TOP3A: variants seen among roughly 807,000 people sequenced by gnomAD.
The protein encoded by TOP3A is DNA topoisomerase 3-alpha.
A neutral mutation model predicts 111.3 loss-of-function variants in TOP3A; 64 were observed. The ratio of observed to expected loss-of-function variants is 0.57; its 90% CI spans 0.47 to 0.71. TOP3A has a LOEUF of 0.71. TOP3A is among the 30% of genes least tolerant of loss of function. The probability of loss-of-function intolerance (pLI) is 0.00; values close to 1 mark genes in which losing one functional copy is unlikely to be tolerated. For missense variants in TOP3A, 1,104 were observed against 1,285.0 expected (o/e 0.86, Z 2.15); for synonymous variants, 484 against 485.1 (o/e 1.00, Z 0.03).
At chr17:18,305,487 C>CGCGCGT (rs1491292432) in intron 4 of TOP3A, among the ~76,000 whole-genome samples, 2 of 120,684 alleles carry the variant, frequency 1.7e-5, no homozygotes, top group African/African-American at 5.6e-5. Flanking sequence ...CACACACACA[C>CGCGCGT]GCGCGCGCGC....
In TOP3A at chr17:18,277,803, C is replaced by G; in HGVS notation, c.2699G>C (p.Ser900Thr). Residue 900 changes from serine to threonine, a missense_variant, in exon 18 of 19, where the codon AGC (serine) becomes ACC (threonine). Transcript: ENST00000321105. Reference sequence around the variant, plus strand: ...CACAGTCCGTGTGACGGAGGGCTGGCTGCAAAGGCAGGATGTGCCACTACC... The same window carrying G: ...CACAGTCCGTGTGACGGAGGGCTGGGTGCAAAGGCAGGATGTGCCACTACC... ...GSGSGTSCLC[S>T]QPSVTRTVQK... 1 of 1,614,186 alleles carries G rather than the reference C, an allele frequency of 6.2e-7. No homozygotes were observed. Among genetic ancestry groups the G allele is most frequent in the Non-Finnish European group, 8.5e-7 (1 of 1,180,034 alleles).
intron 17 of TOP3A, among the ~76,000 whole-genome samples, chr17:18,279,392 G>A (rs955954254): frequency 2.6e-5 from 4 of 151,932 alleles, no homozygotes; most frequent in African/African-American, 9.7e-5. Context: ...GAGTAGCTGG[G>A]ACTACAGGCG....
chr17:18,297,555 T>G (rs1258623588), intron 9 of TOP3A, among the ~76,000 whole-genome samples: 1 of 152,190 alleles, frequency 6.6e-6, no homozygotes, highest in Non-Finnish European at 1.5e-5. Flanking sequence ...GCGGACTGCC[T>G]GCGATTGCAG....
rs111527294 is a variant in TOP3A, at chr17:18,300,073, TA to T, written c.916-441del. 1.0e-3 allele frequency among the ~76,000 whole-genome samples: 154 copies of T among 150,356 alleles called. 4 individuals are homozygous for T. Among genetic ancestry groups the T allele is most frequent in the Admixed American group, 7.4e-3 (111 of 15,064 alleles). The stretch of plus-strand genomic sequence containing the variant: ...CACCATGCTTGGCCCAGTGCTCCTT[TA>T]AAAAAAAAATTCAGGATAATACAGT... On this transcript the variant is annotated intron_variant, in intron 8 of 18. Transcript: ENST00000321105.
chr17:18,308,690 G>GA, intron 2 of TOP3A, 192 bp downstream of exon 2: 1 of 468,840 alleles, frequency 2.1e-6, no homozygotes, highest in South Asian at 4.4e-5. Context: ...TTGTAATGAA[G>GA]AGCTGAGATG....
chr17:18,299,772 C>T (rs1981109523), intron 8 of TOP3A, 139 bp from the exon 9 acceptor site: 1 of 757,796 alleles, frequency 1.3e-6, no homozygotes, highest in South Asian at 1.5e-5. Context: ...TAGAAGAGTG[C>T]CCCACTTAAT....
chr17:18,282,449 T>A lies in TOP3A; in HGVS notation c.2021+249A>T, dbSNP rs550125018. Among the ~76,000 whole-genome samples the A allele has an allele frequency of 3.9e-5, 6 of 152,322 alleles. No homozygotes were observed. The South Asian group carries it at 1.2e-3, about 32-fold the overall frequency. On this transcript the variant is annotated intron_variant, in intron 16 of 18. Transcript: ENST00000321105. ...GTTACACATTGGGTATATGATGTCC[T>A]ATCCACAGGGGACAAAAAAACCCCA...
chr17:18,291,078 G>C, intron 11 of TOP3A, 51 bp from the exon 12 acceptor site: 2 of 1,575,026 alleles, frequency 1.3e-6, no homozygotes, highest in South Asian at 1.1e-5. Flanking sequence ...CACCTCTCAA[G>C]GACAGGAGCA....
intron 9 of TOP3A, 118 bp downstream of exon 9, chr17:18,299,441 G>T: frequency 2.3e-6 from 2 of 867,238 alleles, no homozygotes; most frequent in South Asian, 1.4e-5. Context: ...GTGTTTTCTT[G>T]TGTGGCCTGG....
At chr17:18,275,018 G>A (rs1979251278) in intron 18 of TOP3A, 38 bp from the exon 19 acceptor site, 2 of 1,594,224 alleles carry the variant, frequency 1.3e-6, no homozygotes, top group East Asian at 4.5e-5. Flanking sequence ...GGTTAGAACT[G>A]ACATGCAGAA....
intron 5 of TOP3A, among the ~76,000 whole-genome samples, chr17:18,304,901 T>C (rs546857496): frequency 6.6e-6 from 1 of 152,212 alleles, no homozygotes; most frequent in African/African-American, 2.4e-5. Context: ...CCAGGAAACA[T>C]GTCAGATTGG....
intron 9 of TOP3A, among the ~76,000 whole-genome samples, chr17:18,298,316 C>T (rs1338766242): frequency 3.3e-5 from 5 of 151,072 alleles, no homozygotes; most frequent in Non-Finnish European, 5.9e-5. Flanking sequence ...GCAGCCACCT[C>T]GTCCGGCAGG....
intron 1 of TOP3A, among the ~76,000 whole-genome samples, chr17:18,309,174 A>G (rs1981760731): frequency 6.6e-6 from 1 of 152,320 alleles, no homozygotes; most frequent in African/African-American, 2.4e-5. Flanking sequence ...ACCACTCCAT[A>G]CCCATTAGGA....
At chr17:18,285,017 G>A (rs192463875) in intron 15 of TOP3A, 125 bp downstream of exon 15, 69 of 1,117,238 alleles carry the variant, frequency 6.2e-5, no homozygotes, top group Middle Eastern at 2.2e-4. Context: ...GCCCAGATGC[G>A]GTGGCTCACG....
chr17:18,301,185 T>C (rs896909242), intron 8 of TOP3A, among the ~76,000 whole-genome samples: 5 of 152,168 alleles, frequency 3.3e-5, no homozygotes, highest in Admixed American at 2.6e-4. Flanking sequence ...GTGCAGCCCC[T>C]GGGTTAAACC....
In TOP3A at chr17:18,285,114, C is replaced by A. The variant is rs762503563; in HGVS notation, c.1877+28G>T. On this transcript the variant is annotated intron_variant, in intron 15 of 18. Coordinates refer to ENST00000321105, the MANE Select transcript of TOP3A (RefSeq NM_004618.5). ...GACCAGCCTGGGCAACATAGTGAGA[C>A]CCCTCTGTATTTCTTTTAAGGACTT... 4.4e-6 allele frequency: 7 copies of A among 1,608,276 alleles called. No individual in the cohort carries two copies. In the East Asian group the frequency reaches 8.9e-5, roughly 20 times the overall value.
At chr17:18,289,938 C>T (rs7211364) in intron 13 of TOP3A, among the ~76,000 whole-genome samples, 1 of 152,184 alleles carries the variant, frequency 6.6e-6, no homozygotes, top group African/African-American at 2.4e-5. Context: ...CAGAGAAAGC[C>T]CTTGAGAGCC....
intron 1 of TOP3A, among the ~76,000 whole-genome samples, chr17:18,313,896 G>C (rs933693705): frequency 6.6e-6 from 1 of 152,174 alleles, no homozygotes; most frequent in African/African-American, 2.4e-5. Context: ...ATCTACTTTT[G>C]TTATCTGAGA....
intron 11 of TOP3A, among the ~76,000 whole-genome samples, chr17:18,291,888 A>G (rs1980497936): frequency 6.6e-6 from 1 of 151,776 alleles, no homozygotes; most frequent in African/African-American, 2.4e-5. Context: ...TAATTTTTCT[A>G]TTTCTAGTAG....
Sources: gnomAD v4.1 joint callset for allele counts (sites outside exome capture counted in the v4.1 genomes callset) on GRCh38, gnomAD v4.1.1 for gene constraint, MANE v1.5 for transcripts, NCBI Gene and HGNC (gene_info 2026-07-23, HGNC 2026-07-21) for gene names.